Variants in BAG6 observed in about 807,000 individuals in gnomAD.
BAG6 encodes BAG cochaperone 6.
In BAG6, 22 loss-of-function variants were observed where a neutral mutation model predicts 121.0. The observed-to-expected ratio is 0.18, with a 90% CI of 0.13 to 0.26. The LOEUF is 0.26. Ranked by LOEUF, BAG6 falls within the 10% of genes least tolerant of loss-of-function variation. The probability of loss-of-function intolerance (pLI) is 1.00; values close to 1 mark genes in which losing one functional copy is unlikely to be tolerated. For synonymous variants in BAG6, 583 were observed against 584.6 expected (o/e 1.00, Z 0.04); for missense variants, 1,233 against 1,537.7 (o/e 0.80, Z 3.31).
Position 31,641,455 on chromosome 6 carries a change from TC to T in BAG6, c.2560-34del. 6.2e-7 allele frequency: 1 copy of T among 1,602,374 alleles called. No individual in the cohort carries two copies. The highest frequency in any genetic ancestry group is 1.4e-5 in the African/African-American group (1 of 69,820). On this transcript the variant is annotated intron_variant, in intron 18 of 25. Transcript: ENST00000676615. This position sits in a 1 kb window ranked among gnomAD's most constrained non-coding sequence, Gnocchi z 5.7. ...ACAAGATAACACAAAGATCCCAAAA[TC>T]AAGAATCATAAGACTGGGAGTGGAG...
rs11336765 is a variant in BAG6 at position 31,641,454 on chromosome 6, AT to A, written c.2560-33del. The A allele has an allele frequency of 3.6e-3, 5,770 of 1,613,996 alleles. 45 individuals carry two copies. The highest frequency in any genetic ancestry group is 0.035 in the African/African-American group (2,598 of 75,042). On this transcript the variant is annotated intron_variant, in intron 18 of 25. Transcript: ENST00000676615. This position sits in a 1 kb window ranked among gnomAD's most constrained non-coding sequence, Gnocchi z 5.7. ...GACAAGATAACACAAAGATCCCAAA[AT>A]CAAGAATCATAAGACTGGGAGTGGA...
Position 31,643,918 on chromosome 6 carries a change from C to T in BAG6, c.1728G>A (p.Gly576=). 1 of 1,613,394 alleles carries T rather than the reference C, an allele frequency of 6.2e-7. No homozygotes were observed. The highest frequency in any genetic ancestry group is 8.5e-7 in the Non-Finnish European group (1 of 1,180,006). The change falls in exon 14 of 26, where the codon GGG becomes GGA. Residue 576 remains glycine (G), a synonymous_variant. Transcript: ENST00000676615. Reference sequence around the variant, plus strand: ...CAAGGACTGGCTGCATAAGAAGCTGCCCCACAAGGCCGCTCACCATCTGGG... The same window carrying T: ...CAAGGACTGGCTGCATAAGAAGCTGTCCCACAAGGCCGCTCACCATCTGGG... ...SLAQMVSGLV[G]QLLMQPVLVA... is the part of the protein sequence containing the mutation.
chr6:31,651,520 C>T, intron 2 of BAG6, 136 bp downstream of exon 2: 1 of 720,930 alleles, frequency 1.4e-6, no homozygotes, highest in South Asian at 1.8e-5. Flanking sequence ...GCCTGGAAGA[C>T]AGGGCGTGAC....
chr6:31,642,543 G>A (rs1783971891), intron 15 of BAG6, 140 bp from the exon 16 acceptor site: 3 of 635,120 alleles, frequency 4.7e-6, no homozygotes, highest in East Asian at 2.7e-5. Flanking sequence ...GCTTAAAGCA[G>A]AAGTATGGTA....
chr6:31,649,431 G>C, intron 3 of BAG6, 36 bp from the exon 4 acceptor site: 2 of 1,607,884 alleles, frequency 1.2e-6, no homozygotes, highest in Non-Finnish European at 1.7e-6. Flanking sequence ...AACATAGTAT[G>C]AACAGGTAAA....
In BAG6 at chr6:31,639,051, T is replaced by A; in HGVS notation, c.*80A>T. ...TGTAGAGAGAAAGCAGCCAGAAAAA[T>A]CCGACTTTTATTTCTTAAATACTGT... On this transcript the variant is annotated 3_prime_UTR_variant, in exon 26 of 26. Coordinates refer to ENST00000676615, the MANE Select transcript of BAG6 (RefSeq NM_001387994.1). 1 of 1,232,676 alleles carries A rather than the reference T, an allele frequency of 8.1e-7. No individual in the cohort carries two copies. The highest frequency in any genetic ancestry group is 1.1e-6 in the Non-Finnish European group (1 of 876,692). The allele number at this position is 1,232,676 out of a possible 1,614,324, so 76.4% of individuals were successfully genotyped here.
chr6:31,639,736 C>T, intron 24 of BAG6, 90 bp from the exon 25 acceptor site: 1 of 1,430,792 alleles, frequency 7.0e-7, no homozygotes, highest in Non-Finnish European at 9.5e-7. Context: ...TCAACCACTC[C>T]ACTGAGTCTC....
chr6:31,640,127 T>C lies in BAG6; in HGVS notation c.3246+72A>G. ...GAATAACAAGAGCTCCCACCATCTC[T>C]ACATAGTTTGATTCCAGGCATGACG... On this transcript the variant is annotated intron_variant, in intron 24 of 25. Transcript: ENST00000676615. This position sits in a 1 kb window ranked among gnomAD's most constrained non-coding sequence, Gnocchi z 4.2. The C allele has an allele frequency of 3.4e-6, 5 of 1,478,060 alleles. No individual in the cohort carries two copies. The highest frequency in any genetic ancestry group is 1.4e-5 in the African/African-American group (1 of 72,150). 91.6% of individuals were successfully genotyped at this position (1,478,060 alleles called of 1,614,324 possible).
rs768639605 is a variant in BAG6, at chr6:31,644,425, G to C, written c.1448-11C>G. On this transcript the variant is annotated splice_polypyrimidine_tract_variant and intron_variant, in intron 11 of 25. Transcript: ENST00000676615. This position sits in a 1 kb window ranked among gnomAD's most constrained non-coding sequence, Gnocchi z 4.9. The stretch of plus-strand genomic sequence containing the variant: ...GGATGAGGGTGGAGCCTGGGGGGCG[G>C]GTCTGATGTAACCTTGAACCTGGAC... 4 of 1,551,288 alleles carry C rather than the reference G, an allele frequency of 2.6e-6. No homozygotes were observed. Among genetic ancestry groups the C allele is most frequent in the Non-Finnish European group, 3.5e-6 (4 of 1,147,000 alleles).
intron 6 of BAG6, 104 bp from the exon 7 acceptor site, chr6:31,647,930 G>GA: frequency 2.2e-6 from 3 of 1,380,028 alleles, no homozygotes; most frequent in Non-Finnish European, 9.4e-7. Flanking sequence ...TAGACTCCCT[G>GA]AAGGCATGGC....
At chr6:31,649,959 C>A (rs1794503447) in intron 2 of BAG6, among the ~76,000 whole-genome samples, 1 of 151,740 alleles carries the variant, frequency 6.6e-6, no homozygotes, top group South Asian at 2.1e-4. Flanking sequence ...AAAAAATAAG[C>A]CAGGCATGGT....
chr6:31,641,206 C>G lies in BAG6; in HGVS notation c.2685G>C (p.Leu895Phe). 1 of 1,614,046 alleles carries G rather than the reference C, an allele frequency of 6.2e-7. No homozygotes were observed. The highest frequency in any genetic ancestry group is 8.5e-7 in the Non-Finnish European group (1 of 1,180,032). Residue 895 changes from leucine to phenylalanine, a missense_variant, in exon 20 of 26, where the codon TTG becomes TTC. Leu to Phe is a conservative substitution (Grantham distance 22). Around this residue, in one of 7 missense-constraint regions of BAG6, gnomAD observed 288 missense variants for 483.1 expected, o/e 0.60. Coordinates refer to ENST00000676615, the MANE Select transcript of BAG6 (RefSeq NM_001387994.1). This position sits in a 1 kb window ranked among gnomAD's most constrained non-coding sequence, Gnocchi z 5.7. The stretch of plus-strand genomic sequence containing the variant: ...ACAGGCCTTGGTTACACAACTCCAG[C>G]AACCGGGCCCCAAATCCACTATCTG... ...HCTDSGFGAR[L>F]LELCNQGLFE...
intron 9 of BAG6, 60 bp downstream of exon 9, chr6:31,645,347 C>T: frequency 6.2e-7 from 1 of 1,611,100 alleles, no homozygotes; most frequent in Non-Finnish European, 8.5e-7. Context: ...CCAGTAGCTA[C>T]CCTGGGTCAC....
In BAG6 at chr6:31,640,631, C is replaced by G. The variant is rs777860050; in HGVS notation, c.2994+14G>C. ...ACATTATCTGGCCCCTCAACCTCCCCCTCTCTAGAGTACCTGAGGCTCAGG... is the reference window on the plus strand; with the variant it reads ...ACATTATCTGGCCCCTCAACCTCCCGCTCTCTAGAGTACCTGAGGCTCAGG... On this transcript the variant is annotated intron_variant, in intron 22 of 25. Transcript: ENST00000676615. This position sits in a 1 kb window ranked among gnomAD's most constrained non-coding sequence, Gnocchi z 4.2. 2 of 1,612,956 alleles carry G rather than the reference C, an allele frequency of 1.2e-6. No homozygotes were observed. The highest frequency in any genetic ancestry group is 1.7e-6 in the Non-Finnish European group (2 of 1,179,948).
In BAG6 at chr6:31,649,116, G is replaced by C. The variant is rs912761980; in HGVS notation, c.423+83C>G. Reference sequence around the variant, plus strand: ...GCCCCCTGAACCCAATCTAAAGATGGAAGCATCTATCTTATTAATTCCCTG... The same window carrying C: ...GCCCCCTGAACCCAATCTAAAGATGCAAGCATCTATCTTATTAATTCCCTG... On this transcript the variant is annotated intron_variant, in intron 4 of 25. Coordinates refer to ENST00000676615, the MANE Select transcript of BAG6 (RefSeq NM_001387994.1). 48 of 1,563,562 alleles carry C rather than the reference G, an allele frequency of 3.1e-5. 1 individual carries two copies. In the African/African-American group the frequency reaches 6.4e-4, roughly 21 times the overall value.
At chr6:31,639,339 C>A in intron 25 of BAG6, 113 bp from the exon 26 acceptor site, 1 of 1,448,628 alleles carries the variant, frequency 6.9e-7, no homozygotes. Context: ...AGCACACTGT[C>A]AAATAGCCCG....
In BAG6 at chr6:31,644,832, C is replaced by G. The variant is rs1787233376; in HGVS notation, c.1369+114G>C. ...CTACTTAAGCTTCTGCTCTGGTCCC[C>G]AGGCTACCACCACCAGCATGTGCCT... On this transcript the variant is annotated intron_variant, in intron 10 of 25. Transcript: ENST00000676615. The surrounding 1 kb of genome is among the most constrained non-coding windows in gnomAD (Gnocchi z 4.9). 1 of 1,494,516 alleles carries G rather than the reference C, an allele frequency of 6.7e-7. No individual in the cohort carries two copies. Among genetic ancestry groups the G allele is most frequent in the Non-Finnish European group, 9.0e-7 (1 of 1,111,028 alleles). The allele number at this position is 1,494,516 out of a possible 1,614,324, so 92.6% of individuals were successfully genotyped here.
intron 7 of BAG6, among the ~76,000 whole-genome samples, chr6:31,647,058 C>T (rs1295062611): frequency 6.6e-6 from 1 of 152,118 alleles, no homozygotes; most frequent in Admixed American, 6.6e-5. Flanking sequence ...CAGGCGTGAG[C>T]CACTGTGCCC....
intron 8 of BAG6, 28 bp downstream of exon 8, chr6:31,646,365 AG>A: frequency 6.2e-7 from 1 of 1,607,098 alleles, no homozygotes; most frequent in South Asian, 1.1e-5. Flanking sequence ...GGGGCTGAGG[AG>A]AAAGGGCAGG....
Sources: allele counts gnomAD v4.1 joint callset (sites outside exome capture counted in the v4.1 genomes callset), GRCh38; gene constraint gnomAD v4.1.1; regional missense constraint gnomAD v4.1.1; non-coding constraint Gnocchi (gnomAD v3.1); transcripts MANE v1.5; gene names NCBI Gene and HGNC (gene_info 2026-07-23, HGNC 2026-07-21).